MARK3: variants seen among roughly 807,000 people sequenced by gnomAD.
MARK3 encodes microtubule affinity regulating kinase 3.
In MARK3, 46 loss-of-function variants were observed where a neutral mutation model predicts 90.1. The ratio of observed to expected loss-of-function variants is 0.51; its 90% CI spans 0.40 to 0.65. The LOEUF is 0.65. MARK3 is among the 30% of genes least tolerant of loss of function. The pLI, the probability that MARK3 is intolerant of heterozygous loss-of-function variation, is 0.00. For synonymous variants in MARK3, 321 were observed against 332.6 expected (o/e 0.97, Z 0.38); for missense variants, 818 against 947.2 (o/e 0.86, Z 1.79).
Position 103,485,382 on chromosome 14 carries a change from T to C in MARK3, c.1586+4892T>C, listed in dbSNP as rs138360571. ...TTGAACTCCTGGGCTCAAATGATCCTCCTGTGTTGGCTTCTTGAGTAGCTG... is the reference window on the plus strand; with the variant it reads ...TTGAACTCCTGGGCTCAAATGATCCCCCTGTGTTGGCTTCTTGAGTAGCTG... On this transcript the variant is annotated intron_variant, in intron 14 of 17. Transcript: ENST00000429436. 6.6e-3 allele frequency among the ~76,000 whole-genome samples: 989 copies of C among 149,062 alleles called. 9 individuals carry two copies. The highest frequency in any genetic ancestry group is 0.023 in the African/African-American group (943 of 40,608).
chr14:103,397,520 T>A (rs2090658764), intron 1 of MARK3, among the ~76,000 whole-genome samples: 1 of 151,944 alleles, frequency 6.6e-6, no homozygotes, highest in South Asian at 2.1e-4. Flanking sequence ...AGAGATGGGG[T>A]TTCACCATAT....
intron 10 of MARK3, 109 bp downstream of exon 10, chr14:103,466,551 C>T (rs1951393): frequency 0.99 from 683,548 of 693,300 alleles, 337,278 homozygotes; most frequent in East Asian, 1. Flanking sequence ...AAGCACAAGT[C>T]ATATGAACAG....
intron 7 of MARK3, 27 bp downstream of exon 7, chr14:103,462,488 A>T (rs1366159045): frequency 1.9e-6 from 3 of 1,557,544 alleles, no homozygotes; most frequent in Non-Finnish European, 2.6e-6. Flanking sequence ...CACTCAGTGT[A>T]TGCTCTGTCT....
chr14:103,425,461 C>T (rs945126907), intron 2 of MARK3, among the ~76,000 whole-genome samples: 6 of 151,950 alleles, frequency 3.9e-5, no homozygotes, highest in African/African-American at 1.5e-4. Context: ...CGGGGTTTCA[C>T]CATGTTGGCC....
chr14:103,450,907 TG>T, intron 4 of MARK3, among the ~76,000 whole-genome samples: 1 of 65,990 alleles, frequency 1.5e-5, no homozygotes, highest in African/African-American at 4.6e-5. Flanking sequence ...TGTGTGTGTG[TG>T]TGTGTGTGTA....
rs531958843 is a variant in MARK3, at chr14:103,416,840, G to C, written c.244-11547G>C. Among the ~76,000 whole-genome samples, 6 of 152,284 alleles carry C rather than the reference G, an allele frequency of 3.9e-5. No homozygotes were observed. In the South Asian group the frequency reaches 1.2e-3, roughly 32 times the overall value. On this transcript the variant is annotated intron_variant, in intron 2 of 17. Transcript: ENST00000429436. Reference sequence around the variant, plus strand: ...GCAGAGGGTGCCGGCATCAGTGCAGGTGAGGGGATCCTTATGGTAGTAGGA... The same window carrying C: ...GCAGAGGGTGCCGGCATCAGTGCAGCTGAGGGGATCCTTATGGTAGTAGGA...
In MARK3 at chr14:103,423,198, G is replaced by GTTTTTTTTTTTTTTT. The variant is rs1418393541; in HGVS notation, c.244-5188_244-5187insTTTTTTTTTTTTTTT. On this transcript the variant is annotated intron_variant, in intron 2 of 17. Transcript: ENST00000429436. ...ACTCTATCCCCCTAGAGGACTTGCAGTCTTTTTTTTTTTTTTGCCTCCTCT... is the reference window on the plus strand; with the variant it reads ...ACTCTATCCCCCTAGAGGACTTGCAGTTTTTTTTTTTTTTTTCTTTTTTTTTTTTTTGCCTCCTCT... Among the ~76,000 whole-genome samples the GTTTTTTTTTTTTTTT allele has an allele frequency of 8.5e-3, 70 of 8,238 alleles. 1 individual carries two copies. The highest frequency in any genetic ancestry group is 0.014 in the Admixed American group (10 of 714). 5.4% of individuals were successfully genotyped at this position (8,238 alleles called of 152,430 possible).
chr14:103,396,602 G>A lies in MARK3; in HGVS notation c.52-8474G>A, dbSNP rs112767158. Among the ~76,000 whole-genome samples, 206 of 152,168 alleles carry A rather than the reference G, an allele frequency of 1.4e-3. 1 individual carries two copies. The highest frequency in any genetic ancestry group is 4.7e-3 in the African/African-American group (196 of 41,492). On this transcript the variant is annotated intron_variant, in intron 1 of 17. Coordinates refer to ENST00000429436, the MANE Select transcript of MARK3 (RefSeq NM_001128918.3). The stretch of plus-strand genomic sequence containing the variant: ...ATAAATAACAAACTAAGATTGATAG[G>A]CTTCTTGAAAAATTGGCGGTAAATT...
chr14:103,444,553 C>T lies in MARK3; in HGVS notation c.298-4366C>T, dbSNP rs557552778. Among the ~76,000 whole-genome samples, 412 of 152,178 alleles carry T rather than the reference C, an allele frequency of 2.7e-3. 2 individuals are homozygous for T. The highest frequency in any genetic ancestry group is 9.5e-3 in the African/African-American group (393 of 41,536). ...CAGCACTTTGGGAGGCCGAGGCGGGCGGATCACGAGGTCAGGAGATCGAGA... is the reference window on the plus strand; with the variant it reads ...CAGCACTTTGGGAGGCCGAGGCGGGTGGATCACGAGGTCAGGAGATCGAGA... On this transcript the variant is annotated intron_variant, in intron 3 of 17. Transcript: ENST00000429436.
intron 12 of MARK3, among the ~76,000 whole-genome samples, chr14:103,471,035 T>C (rs8014013): frequency 0.33 from 50,278 of 151,960 alleles, 8,695 homozygotes; most frequent in East Asian, 0.5. Context: ...CACATCAGGA[T>C]TTGTGCTCCT....
In MARK3 at chr14:103,468,164, G is replaced by GT; in HGVS notation, c.1242_1243insT (p.Gln415SerfsTer6). On this transcript the variant is annotated frameshift_variant, in exon 12 of 18. Coordinates refer to ENST00000429436, the MANE Select transcript of MARK3 (RefSeq NM_001128918.3). LOFTEE classifies it high-confidence loss of function. ...AGAGAAGTGTTTCTTCAAGCCAAAA[G>GT]CAAAGACGCTACAGTGACCATGGTA... is the stretch of plus-strand genomic sequence containing the variant. The GT allele has an allele frequency of 6.2e-7, 1 of 1,613,902 alleles. No homozygotes were observed. Among genetic ancestry groups the GT allele is most frequent in the South Asian group, 1.1e-5 (1 of 91,050 alleles).
At chr14:103,450,919 T>TGTGTGTG (rs374293977) in intron 4 of MARK3, among the ~76,000 whole-genome samples, 4 of 79,922 alleles carry the variant, frequency 5.0e-5, no homozygotes, top group Non-Finnish European at 7.0e-5. Context: ...TGTGTGTGTA[T>TGTGTGTG]TCTTTTTTTT....
chr14:103,467,937 G>A (rs929099557), intron 11 of MARK3, 96 bp from the exon 12 acceptor site: 3 of 1,250,552 alleles, frequency 2.4e-6, no homozygotes, highest in Non-Finnish European at 2.2e-6. Context: ...TGAATGAACG[G>A]TTTATGAGAG....
At chr14:103,417,209 G>GGGAGT (rs1555376598) in intron 2 of MARK3, 1 of 586 alleles carries the variant, frequency 1.7e-3, no homozygotes, top group South Asian at 0.5. Context: ...CAACACCCCA[G>GGGAGT]GAGCATTGTT....
chr14:103,499,933 A>ATGGAGC (rs2075564770), intron 16 of MARK3: 1 of 567,704 alleles, frequency 1.8e-6, no homozygotes, highest in Admixed American at 2.9e-5. Context: ...AGTGTGCAGC[A>ATGGAGC]TGGAGCTGGC....
At chr14:103,399,441 G>A (rs925479230) in intron 1 of MARK3, among the ~76,000 whole-genome samples, 1 of 152,134 alleles carries the variant, frequency 6.6e-6, no homozygotes, top group East Asian at 1.9e-4. Flanking sequence ...AGGGTGCGGT[G>A]GCTCACACCT....
At chr14:103,389,528 CAAAAAAAAAA>C (rs67737305) in intron 1 of MARK3, among the ~76,000 whole-genome samples, 1 of 49,864 alleles carries the variant, frequency 2.0e-5, no homozygotes, top group Non-Finnish European at 3.4e-5. Flanking sequence ...ACTCTGTCTC[CAAAAAAAAAA>C]AAAAAAAAAA....
chr14:103,427,753 T>C (rs1407633172), intron 2 of MARK3, among the ~76,000 whole-genome samples: 1 of 152,084 alleles, frequency 6.6e-6, no homozygotes, highest in African/African-American at 2.4e-5. Flanking sequence ...GGGAGTGTCT[T>C]TTAGCATGCT....
chr14:103,486,448 A>T (rs2093930836), intron 14 of MARK3, among the ~76,000 whole-genome samples: 1 of 152,158 alleles, frequency 6.6e-6, no homozygotes. Flanking sequence ...CAAAAAAATA[A>T]AAATAAAAAA....
Sources: gnomAD v4.1 joint callset for allele counts (sites outside exome capture counted in the v4.1 genomes callset) on GRCh38, gnomAD v4.1.1 for gene constraint, MANE v1.5 for transcripts, NCBI Gene and HGNC (gene_info 2026-07-23, HGNC 2026-07-21) for gene names.